Variants in CPLX1 observed in about 807,000 individuals in gnomAD.
The protein encoded by CPLX1 is complexin 1.
In CPLX1, 6 loss-of-function variants were observed where a neutral mutation model predicts 15.6. The ratio of observed to expected loss-of-function variants is 0.39; its 90% CI spans 0.21 to 0.76. The LOEUF (loss-of-function observed/expected upper bound fraction) is 0.76. Ranked by LOEUF, CPLX1 falls within the 30% of genes least tolerant of loss-of-function variation. The probability of loss-of-function intolerance (pLI) is 0.43; values close to 1 mark genes in which losing one functional copy is unlikely to be tolerated. For missense variants in CPLX1, 242 were observed against 188.6 expected, an observed-to-expected ratio of 1.28 and a Z score of -1.66; for synonymous variants, 91 against 75.2, an observed-to-expected ratio of 1.21 and a Z score of -1.08.
intron 3 of CPLX1, chr4:787,332 C>T (rs931488092): frequency 3.0e-6 from 3 of 985,448 alleles, no homozygotes; most frequent in Non-Finnish European, 2.4e-6. Context: ...TCACCGACCC[C>T]CTGCCCACCC....
intron 2 of CPLX1, among the ~76,000 whole-genome samples, chr4:812,855 C>T (rs1000483795): frequency 1.3e-5 from 2 of 152,138 alleles, no homozygotes; most frequent in Admixed American, 6.5e-5. Flanking sequence ...TAACGCTGGC[C>T]GTCCTAATGC....
chr4:790,050 C>A (rs185555258), intron 3 of CPLX1, among the ~76,000 whole-genome samples: 1,811 of 101,250 alleles, frequency 0.018, 52 homozygotes, highest in African/African-American at 0.081. Flanking sequence ...CCCCAAAGGC[C>A]ACGCCTGAGG....
At chr4:825,486 G>GGGGAAGGAGGGCACGGCCGGGCCCCGCA (rs1560249351) in intron 1 of CPLX1, among the ~76,000 whole-genome samples, 3 of 151,984 alleles carry the variant, frequency 2.0e-5, no homozygotes, top group African/African-American at 4.8e-5. Flanking sequence ...CCCGCGGCGC[G>GGGGAAGGAGGGCACGGCCGGGCCCCGCA]GGGAAGGAGG....
intron 2 of CPLX1, among the ~76,000 whole-genome samples, chr4:811,117 T>C (rs1395440703): frequency 6.6e-6 from 1 of 152,132 alleles, no homozygotes; most frequent in Non-Finnish European, 1.5e-5. Flanking sequence ...CTCCCACCTC[T>C]GCCTCCCAAG....
chr4:795,863 C>G (rs116304563), intron 2 of CPLX1, among the ~76,000 whole-genome samples: 1 of 152,096 alleles, frequency 6.6e-6, no homozygotes, highest in Non-Finnish European at 1.5e-5. Flanking sequence ...GAGACTCCAC[C>G]GCCCACCCCA....
chr4:787,780 C>T (rs1746045851), intron 3 of CPLX1: 3 of 985,362 alleles, frequency 3.0e-6, no homozygotes, highest in South Asian at 9.4e-5. Flanking sequence ...CACACTCCTC[C>T]AGCCCTCCCG....
rs767976894 is a variant in CPLX1 at position 792,616 on chromosome 4, A to G, written c.32-8T>C. 7 of 1,607,954 alleles carry G rather than the reference A, an allele frequency of 4.4e-6. No individual in the cohort carries two copies. The East Asian group carries it at 1.4e-4, about 31-fold the overall frequency. On this transcript the variant is annotated splice_polypyrimidine_tract_variant and splice_region_variant and intron_variant, in intron 2 of 3. Transcript: ENST00000304062. Reference sequence around the variant, plus strand: ...CCATGTCCTTGGTGGCCCCTGGTACAGAAGTTGGTGATTCAGACCGCCCCA... The same window carrying G: ...CCATGTCCTTGGTGGCCCCTGGTACGGAAGTTGGTGATTCAGACCGCCCCA...
chr4:805,160 G>A (rs1171839884), intron 2 of CPLX1, among the ~76,000 whole-genome samples: 1 of 152,234 alleles, frequency 6.6e-6, no homozygotes, highest in East Asian at 1.9e-4. Context: ...TGCTGTGGGC[G>A]CTGCAGCCGG....
At chr4:786,919 G>T (rs6816792) in intron 3 of CPLX1, 266,209 of 978,888 alleles carry the variant, frequency 0.27, 38,359 homozygotes, top group African/African-American at 0.53. Context: ...AGCTGACATG[G>T]GGGGGAGCAG....
At chr4:821,514 T>C (rs992559980) in intron 2 of CPLX1, among the ~76,000 whole-genome samples, 3 of 152,206 alleles carry the variant, frequency 2.0e-5, no homozygotes, top group Non-Finnish European at 2.9e-5. Context: ...TGCTCGCTTC[T>C]GCCACATTTA....
intron 2 of CPLX1, among the ~76,000 whole-genome samples, chr4:809,911 C>T (rs557446578): frequency 1.3e-4 from 20 of 152,310 alleles, no homozygotes; most frequent in Non-Finnish European, 2.2e-4. Flanking sequence ...TTCTGGGACA[C>T]CCCATCACAC....
At chr4:824,428 C>T (rs1577000551) in intron 2 of CPLX1, 64 bp downstream of exon 2, 2 of 1,434,506 alleles carry the variant, frequency 1.4e-6, no homozygotes, top group South Asian at 1.1e-5. Flanking sequence ...AGATGAGGAG[C>T]AGCTGCTGTG....
chr4:786,210 G>T lies in CPLX1; in HGVS notation c.*291C>A, dbSNP rs1191701678. The stretch of plus-strand genomic sequence containing the variant: ...GGTGGTCGCGGGGCTGCCCTTCGGC[G>T]GCCCTGGCCTCGGGCGCTGCTGGGT... On this transcript the variant is annotated 3_prime_UTR_variant, in exon 4 of 4. Transcript: ENST00000304062. 2 of 253,244 alleles carry T rather than the reference G, an allele frequency of 7.9e-6. No homozygotes were observed. The highest frequency in any genetic ancestry group is 4.5e-5 in the African/African-American group (2 of 44,708). The allele number at this position is 253,244 out of a possible 1,614,324, so 15.7% of individuals were successfully genotyped here.
At chr4:796,887 T>C (rs1204653001) in intron 2 of CPLX1, among the ~76,000 whole-genome samples, 3 of 152,004 alleles carry the variant, frequency 2.0e-5, no homozygotes, top group African/African-American at 7.3e-5. Context: ...CAAGACAGAA[T>C]GATGATGGTG....
rs369493468 is a variant in CPLX1, at chr4:786,706, G to A, written c.208-8C>T. The stretch of plus-strand genomic sequence containing the variant: ...CTTCTTCTTGATGCCGTACTGCGGG[G>A]GAGGCGGGGGTCAGGGCGGGGGTCC... On this transcript the variant is annotated splice_polypyrimidine_tract_variant and splice_region_variant and intron_variant, in intron 3 of 3. Coordinates refer to ENST00000304062, the MANE Select transcript of CPLX1 (RefSeq NM_006651.4). The A allele has an allele frequency of 1.3e-6, 2 of 1,585,718 alleles. No individual in the cohort carries two copies. Among genetic ancestry groups the A allele is most frequent in the South Asian group, 1.1e-5 (1 of 88,128 alleles).
intron 2 of CPLX1, among the ~76,000 whole-genome samples, chr4:795,802 G>A (rs956246687): frequency 2.3e-4 from 34 of 149,242 alleles, no homozygotes; most frequent in East Asian, 1.8e-3. Flanking sequence ...GGTGGAGAGG[G>A]GGTGGGGGGG....
chr4:794,162 G>C (rs1746266513), intron 2 of CPLX1, among the ~76,000 whole-genome samples: 1 of 152,266 alleles, frequency 6.6e-6, no homozygotes, highest in South Asian at 2.1e-4. Context: ...GAAGGCCCGA[G>C]CTGTTGGTGG....
chr4:817,360 C>G lies in CPLX1; in HGVS notation c.31+7132G>C, dbSNP rs1746776559. ...CCTGGGTTCAGGAGTTCGAGACCAG[C>G]CTGGGCAACACAGTGAAACCCCGTC... On this transcript the variant is annotated intron_variant, in intron 2 of 3. Transcript: ENST00000304062. Among the ~76,000 whole-genome samples, 5 of 151,024 alleles carry G rather than the reference C, an allele frequency of 3.3e-5. No individual in the cohort carries two copies. The South Asian group carries it at 1.1e-3, about 32-fold the overall frequency.
At chr4:803,994 G>A (rs1746508526) in intron 2 of CPLX1, among the ~76,000 whole-genome samples, 1 of 152,244 alleles carries the variant, frequency 6.6e-6, no homozygotes, top group Non-Finnish European at 1.5e-5. Flanking sequence ...TCTATGCTTA[G>A]GTGCACAGCC....
Sources: gnomAD v4.1 joint callset for allele counts (sites outside exome capture counted in the v4.1 genomes callset) on GRCh38, gnomAD v4.1.1 for gene constraint, MANE v1.5 for transcripts, NCBI Gene and HGNC (gene_info 2026-07-23, HGNC 2026-07-21) for gene names.